SLC12A1: variants seen among roughly 807,000 people sequenced by gnomAD.
The protein encoded by SLC12A1 is solute carrier family 12 member 1.
In SLC12A1, 89 loss-of-function variants were observed where a neutral mutation model predicts 130.4. That is an observed-to-expected ratio of 0.68 (90% confidence interval 0.58 to 0.81). The LOEUF (loss-of-function observed/expected upper bound fraction) is 0.81, where lower values mean the gene tolerates loss of function less well. Among genes scored for constraint, SLC12A1 ranks in the 40% least tolerant of loss-of-function variants. The probability of loss-of-function intolerance (pLI) is 0.00; values close to 1 mark genes in which losing one functional copy is unlikely to be tolerated. For synonymous variants in SLC12A1, 499 were observed against 460.0 expected (o/e 1.08, Z -1.09); for missense variants, 1,310 against 1,336.4 (o/e 0.98, Z 0.31).
In SLC12A1 at chr15:48,248,228, A is replaced by G. The variant is rs1247726077; in HGVS notation, c.1684+768A>G. Among the ~76,000 whole-genome samples, 5 of 152,194 alleles carry G rather than the reference A, an allele frequency of 3.3e-5. No individual in the cohort carries two copies. The East Asian group carries it at 9.6e-4, about 29-fold the overall frequency. On this transcript the variant is annotated intron_variant, in intron 13 of 26. Transcript: ENST00000380993. ...AGCAATGAGGGCTCCTCATCATTAC[A>G]TATTGAACTCAGGAAGGGACTATAA...
At chr15:48,231,943 G>A (rs2041384815) in intron 7 of SLC12A1, among the ~76,000 whole-genome samples, 1 of 152,134 alleles carries the variant, frequency 6.6e-6, no homozygotes, top group Admixed American at 6.5e-5. Flanking sequence ...CCCAGGAGGT[G>A]GAGGTTGCAG....
rs143320831 is a variant in SLC12A1 at position 48,267,190 on chromosome 15, G to C, written c.2155-371G>C. 1.2e-3 allele frequency among the ~76,000 whole-genome samples: 187 copies of C among 152,266 alleles called. 1 individual carries two copies. In the East Asian group the frequency reaches 0.031, roughly 25 times the overall value. ...TTAGGCTCCAGCTGAGATTTCTTTC[G>C]TGTTCCTGAAAGTGGCTCTCGCTAA... On this transcript the variant is annotated intron_variant, in intron 17 of 26. Transcript: ENST00000380993.
chr15:48,297,368 G>T lies in SLC12A1; in HGVS notation c.2961-1772G>T, dbSNP rs1042269288. Among the ~76,000 whole-genome samples the T allele has an allele frequency of 4.6e-5, 7 of 152,296 alleles. No individual in the cohort carries two copies. In the South Asian group the frequency reaches 8.3e-4, roughly 18 times the overall value. ...TGCTTATTGGTTCAAGTTTACCTGT[G>T]TTATGTGCCCACCTGGCCAATTACT... On this transcript the variant is annotated intron_variant, in intron 24 of 26. Coordinates refer to ENST00000380993, the MANE Select transcript of SLC12A1 (RefSeq NM_000338.3).
rs542454226 is a variant in SLC12A1, at chr15:48,261,240, G to C, written c.2154+1929G>C. ...CTTTAGGACTGAAGAAATAAACTGGGAGTATAAACAGTCATCTATTGGCAA... is the reference window on the plus strand; with the variant it reads ...CTTTAGGACTGAAGAAATAAACTGGCAGTATAAACAGTCATCTATTGGCAA... On this transcript the variant is annotated intron_variant, in intron 17 of 26. Coordinates refer to ENST00000380993, the MANE Select transcript of SLC12A1 (RefSeq NM_000338.3). 2.0e-5 allele frequency among the ~76,000 whole-genome samples: 3 copies of C among 152,300 alleles called. No homozygotes were observed. The East Asian group carries it at 5.8e-4, about 29-fold the overall frequency.
chr15:48,247,984 T>TA (rs1457408981), intron 13 of SLC12A1, among the ~76,000 whole-genome samples: 1 of 152,196 alleles, frequency 6.6e-6, no homozygotes. Context: ...TGAGAATCAC[T>TA]TACCTAGACT....
At chr15:48,230,326 A>T in intron 6 of SLC12A1, 67 bp from the exon 7 acceptor site, 1 of 912,026 alleles carries the variant, frequency 1.1e-6, no homozygotes, top group Non-Finnish European at 1.8e-6. Flanking sequence ...TTTTACTGTT[A>T]AATGCTGCAA....
chr15:48,302,713 T>A, intron 26 of SLC12A1, 37 bp from the exon 27 acceptor site: 8 of 1,564,284 alleles, frequency 5.1e-6, no homozygotes, highest in Non-Finnish European at 7.0e-6. Context: ...ATAGTAATTT[T>A]CACTTTCATT....
At chr15:48,263,964 T>C (rs553039914) in intron 17 of SLC12A1, among the ~76,000 whole-genome samples, 12 of 152,276 alleles carry the variant, frequency 7.9e-5, no homozygotes, top group Admixed American at 3.9e-4. Context: ...AAGTCCATTA[T>C]AGGTATGAGC....
In SLC12A1 at chr15:48,220,964, G is replaced by A. The variant is rs2041205830; in HGVS notation, c.596G>A (p.Arg199His). The change falls in exon 4 of 27, where the codon CGC (arginine) becomes CAC (histidine). Residue 199 changes from arginine (R) to histidine (H), a missense_variant. By Grantham distance (29) the Arg-to-His change is conservative. Transcript: ENST00000380993. Reference protein sequence around the residue: ...LNIWGVMLFIRLSWIVGEAGI... With the variant: ...LNIWGVMLFIHLSWIVGEAGI... ...ATCTGGGGAGTCATGCTCTTCATTCGCCTCTCCTGGATTGTTGGAGAAGCT... is the reference window on the plus strand; with the variant it reads ...ATCTGGGGAGTCATGCTCTTCATTCACCTCTCCTGGATTGTTGGAGAAGCT... The A allele has an allele frequency of 3.1e-6, 5 of 1,613,874 alleles. No homozygotes were observed. The highest frequency in any genetic ancestry group is 1.7e-4 in the Middle Eastern group (1 of 6,060).
chr15:48,301,510 G>GGGGGGGT, intron 26 of SLC12A1, 128 bp downstream of exon 26: 1 of 497,244 alleles, frequency 2.0e-6, no homozygotes, highest in Non-Finnish European at 3.4e-6. Flanking sequence ...TTTGGGGGGG[G>GGGGGGGT]GAACACGTGG....
intron 17 of SLC12A1, among the ~76,000 whole-genome samples, chr15:48,261,057 G>A (rs577288353): frequency 1.2e-3 from 177 of 152,210 alleles, no homozygotes; most frequent in Middle Eastern, 3.4e-3. Context: ...ATCTTATCAA[G>A]CACCCCTCTC....
chr15:48,245,003 C>T (rs1021834784), intron 11 of SLC12A1, 99 bp downstream of exon 11: 3 of 1,100,182 alleles, frequency 2.7e-6, no homozygotes, highest in African/African-American at 3.1e-5. Context: ...TGATTATTGG[C>T]TGATAAGAAT....
chr15:48,264,278 T>C (rs1301909281), intron 17 of SLC12A1, among the ~76,000 whole-genome samples: 1 of 152,194 alleles, frequency 6.6e-6, no homozygotes, highest in Admixed American at 6.5e-5. Flanking sequence ...TTCTCGTTTT[T>C]TTTCTAAAAA....
rs548066830 is a variant in SLC12A1 at position 48,253,704 on chromosome 15, AAGTGTATATAT to A, written c.1942+1936_1942+1946del. On this transcript the variant is annotated intron_variant, in intron 15 of 26. Coordinates refer to ENST00000380993, the MANE Select transcript of SLC12A1 (RefSeq NM_000338.3). The stretch of plus-strand genomic sequence containing the variant: ...AGTAGTGGGATTTATGATTAATAGT[AAGTGTATATAT>A]AACTTTATACGAAACTGCCAAACTG... Among the ~76,000 whole-genome samples, 5 of 152,318 alleles carry A rather than the reference AAGTGTATATAT, an allele frequency of 3.3e-5. No homozygotes were observed. The East Asian group carries it at 9.6e-4, about 29-fold the overall frequency.
rs781250971 is a variant in SLC12A1, at chr15:48,285,127, A to T, written c.2507A>T (p.Gln836Leu). 30 of 1,612,078 alleles carry T rather than the reference A, an allele frequency of 1.9e-5. No homozygotes were observed. The highest frequency in any genetic ancestry group is 6.7e-5 in the Admixed American group (4 of 59,780). Residue 836 changes from glutamine (Q) to leucine (L), a missense_variant, in exon 21 of 27, where the codon CAG becomes CTG. Transcript: ENST00000380993. Reference sequence around the variant, plus strand: ...TCAGAGGAATTAGAGAGATTAGAACAGGAGAGACTAGCATTGGAAGCGACT... The same window carrying T: ...TCAGAGGAATTAGAGAGATTAGAACTGGAGAGACTAGCATTGGAAGCGACT... ...QVQEELERLE[Q>L]ERLALEATIK...
chr15:48,283,550 A>G (rs2042028725), intron 20 of SLC12A1, among the ~76,000 whole-genome samples: 1 of 152,264 alleles, frequency 6.6e-6, no homozygotes, highest in South Asian at 2.1e-4. Flanking sequence ...GCCACTCGCA[A>G]AAGATTAATT....
At position 48,230,487 on chromosome 15, in the gene SLC12A1, T is replaced by A; in HGVS notation, c.959T>A (p.Met320Lys). 1 of 1,608,850 alleles carries A rather than the reference T, an allele frequency of 6.2e-7. No individual in the cohort carries two copies. The highest frequency in any genetic ancestry group is 1.1e-5 in the South Asian group (1 of 90,080). The change falls in exon 7 of 27, where the codon ATG becomes AAG. Residue 320 changes from methionine (M) to lysine (K), a missense_variant. By Grantham distance (95) the Met-to-Lys change is moderately conservative. Transcript: ENST00000380993. ...CTTCTAGGAATTTCAGTAGCTGGAA[T>A]GGAATGGGAGGCAAAGGTAAATTTC... Reference protein sequence around the residue: ...VILLGISVAGMEWEAKAQVIL... With the variant: ...VILLGISVAGKEWEAKAQVIL...
intron 20 of SLC12A1, among the ~76,000 whole-genome samples, chr15:48,280,264 T>C (rs913999514): frequency 6.6e-6 from 1 of 151,976 alleles, no homozygotes; most frequent in African/African-American, 2.4e-5. Context: ...GGGTACCATA[T>C]AATCGATTTA....
At chr15:48,266,131 T>C (rs1167759014) in intron 17 of SLC12A1, among the ~76,000 whole-genome samples, 1 of 152,110 alleles carries the variant, frequency 6.6e-6, no homozygotes, top group Non-Finnish European at 1.5e-5. Context: ...ACCTAGGCAA[T>C]TGCCTGAGTT....
Sources: gnomAD v4.1 joint callset for allele counts (sites outside exome capture counted in the v4.1 genomes callset) on GRCh38, gnomAD v4.1.1 for gene constraint, MANE v1.5 for transcripts, NCBI Gene and HGNC (gene_info 2026-07-23, HGNC 2026-07-21) for gene names.